Variants in TMEM26 observed in about 807,000 individuals in gnomAD.
TMEM26 encodes transmembrane protein 26.
In TMEM26, 38 loss-of-function variants were observed where a neutral mutation model predicts 28.8. That is an observed-to-expected ratio of 1.32 (90% CI 1.02 to 1.73). TMEM26 has a LOEUF of 1.73. TMEM26 is among the 40% of genes most tolerant of loss of function. The pLI is 0.00. For synonymous variants in TMEM26, 227 were observed against 182.9 expected, an observed-to-expected ratio of 1.24 and a Z score of -1.95; for missense variants, 518 against 447.1, an observed-to-expected ratio of 1.16 and a Z score of -1.43.
chr10:61,419,706 T>C (rs1839711631), intron 4 of TMEM26, among the ~76,000 whole-genome samples: 1 of 151,780 alleles, frequency 6.6e-6, no homozygotes, highest in Non-Finnish European at 1.5e-5. Flanking sequence ...ACACAGTCAG[T>C]CATATATATT....
intron 4 of TMEM26, among the ~76,000 whole-genome samples, chr10:61,427,697 A>G (rs1251584233): frequency 6.6e-6 from 1 of 151,942 alleles, no homozygotes; most frequent in Admixed American, 6.6e-5. Context: ...CTACTATCCT[A>G]TGTTCCCTCC....
chr10:61,437,389 A>G (rs1044062531), intron 1 of TMEM26, among the ~76,000 whole-genome samples: 1 of 152,206 alleles, frequency 6.6e-6, no homozygotes, highest in Non-Finnish European at 1.5e-5. Flanking sequence ...TGAGCATTCA[A>G]TAATAGGTAG....
At chr10:61,444,815 C>T (rs544766561) in intron 1 of TMEM26, among the ~76,000 whole-genome samples, 8 of 152,052 alleles carry the variant, frequency 5.3e-5, no homozygotes, top group Admixed American at 2.6e-4. Flanking sequence ...CCAAGCTTTC[C>T]ATCCTGGGAA....
chr10:61,444,139 T>A (rs1363755858), intron 1 of TMEM26, among the ~76,000 whole-genome samples: 7 of 152,212 alleles, frequency 4.6e-5, no homozygotes, highest in Non-Finnish European at 8.8e-5. Context: ...GTATCTTGAT[T>A]CTGCAGGCTT....
At position 61,435,176 on chromosome 10, in the gene TMEM26, T is replaced by A. The variant is rs1259067906; in HGVS notation, c.270+994A>T. Among the ~76,000 whole-genome samples, 3 of 152,276 alleles carry A rather than the reference T, an allele frequency of 2.0e-5. No individual in the cohort carries two copies. In the East Asian group the frequency reaches 5.8e-4, roughly 29 times the overall value. The stretch of plus-strand genomic sequence containing the variant: ...AAAATTTCTGTAATAAATTAGGGAC[T>A]CTTATTGGAAGCTACTTTTTCTTTG... On this transcript the variant is annotated intron_variant, in intron 2 of 5. Transcript: ENST00000399298.
chr10:61,448,207 G>A lies in TMEM26; in HGVS notation c.191+4684C>T, dbSNP rs116798000. ...ACATGGCCTTCACACACCTCTCTCC[G>A]GATGCAGCTCTCACCCATTCTTCCT... On this transcript the variant is annotated intron_variant, in intron 1 of 5. Coordinates refer to ENST00000399298, the MANE Select transcript of TMEM26 (RefSeq NM_178505.8). Among the ~76,000 whole-genome samples the A allele has an allele frequency of 8.6e-3, 1,308 of 152,306 alleles. 17 individuals carry two copies. Among genetic ancestry groups the A allele is most frequent in the African/African-American group, 0.026 (1,066 of 41,570 alleles).
At chr10:61,410,792 G>A (rs760361049) in intron 5 of TMEM26, 46 bp from the exon 6 acceptor site, 2 of 1,571,610 alleles carry the variant, frequency 1.3e-6, no homozygotes, top group African/African-American at 1.3e-5. Flanking sequence ...TGGAAGTGTA[G>A]ACATATAAGA....
intron 1 of TMEM26, among the ~76,000 whole-genome samples, chr10:61,438,294 G>GA (rs1201504066): frequency 1.3e-5 from 2 of 151,868 alleles, no homozygotes; most frequent in East Asian, 1.9e-4. Context: ...CATGCTCTTA[G>GA]AAAAAAAAGA....
intron 1 of TMEM26, among the ~76,000 whole-genome samples, chr10:61,450,309 T>G (rs1840255271): frequency 6.6e-6 from 1 of 152,208 alleles, no homozygotes; most frequent in South Asian, 2.1e-4. Context: ...ATGGAAATTT[T>G]TTCTTAACAC....
In TMEM26 at chr10:61,413,548, C is replaced by T; in HGVS notation, c.606-13G>A. 6.3e-7 allele frequency: 1 copy of T among 1,582,604 alleles called. No homozygotes were observed. Among genetic ancestry groups the T allele is most frequent in the South Asian group, 1.2e-5 (1 of 84,592 alleles). ...TGCAGGACTATTCCTAGAATACAGA[C>T]AAAATGTTAAATTTGTAATAAAAAG... On this transcript the variant is annotated splice_polypyrimidine_tract_variant and intron_variant, in intron 4 of 5. Transcript: ENST00000399298.
chr10:61,412,905 G>C (rs1478973331), intron 5 of TMEM26: 1 of 1,282,466 alleles, frequency 7.8e-7, no homozygotes, highest in Non-Finnish European at 1.0e-6. Flanking sequence ...AGGGGTTTAT[G>C]TTTTTATTAA....
At chr10:61,447,064 C>T (rs16916155) in intron 1 of TMEM26, among the ~76,000 whole-genome samples, 1 of 152,198 alleles carries the variant, frequency 6.6e-6, no homozygotes, top group South Asian at 2.1e-4. Flanking sequence ...AGATTTCAGG[C>T]AACTTGGACA....
chr10:61,429,017 C>G lies in TMEM26; in HGVS notation c.514G>C (p.Asp172His). 6.2e-7 allele frequency: 1 copy of G among 1,613,324 alleles called. No homozygotes were observed. The highest frequency in any genetic ancestry group is 1.3e-5 in the African/African-American group (1 of 75,000). ...ATAAGAAGAAGTTGAGAGAGTTGAT[C>G]TCGAGTGATCCCGCCTCCAATGGGT... is the stretch of plus-strand genomic sequence containing the variant. Reference protein sequence around the residue: ...LLPIGGGITRDQLSQLLLMFV... With the variant: ...LLPIGGGITRHQLSQLLLMFV... The change falls in exon 4 of 6, where the codon GAT (aspartate) becomes CAT (histidine). Residue 172 changes from aspartate (D) to histidine (H), a missense_variant. Coordinates refer to ENST00000399298, the MANE Select transcript of TMEM26 (RefSeq NM_178505.8).
chr10:61,441,445 C>T (rs1030605686), intron 1 of TMEM26, among the ~76,000 whole-genome samples: 1 of 152,156 alleles, frequency 6.6e-6, no homozygotes, highest in African/African-American at 2.4e-5. Flanking sequence ...TATTCTTGAT[C>T]ATGTGTTGTC....
At chr10:61,415,282 A>G (rs535693230) in intron 4 of TMEM26, among the ~76,000 whole-genome samples, 1 of 152,228 alleles carries the variant, frequency 6.6e-6, no homozygotes, top group South Asian at 2.1e-4. Context: ...TTTATGATTT[A>G]CCAAAATCAA....
intron 2 of TMEM26, among the ~76,000 whole-genome samples, chr10:61,432,672 T>C (rs895805166): frequency 2.0e-5 from 3 of 152,148 alleles, no homozygotes; most frequent in Admixed American, 6.6e-5. Context: ...AAATTAAAGC[T>C]GTAAGAAGTG....
At chr10:61,418,943 A>C (rs1839698406) in intron 4 of TMEM26, among the ~76,000 whole-genome samples, 2 of 152,158 alleles carry the variant, frequency 1.3e-5, no homozygotes, top group South Asian at 4.1e-4. Context: ...CTCCATGCAC[A>C]GATCATCAAA....
rs1839519586 is a variant in TMEM26 at position 61,408,213 on chromosome 10, G to A, written c.*2109C>T. 1.3e-5 allele frequency: 2 copies of A among 152,140 alleles called. No homozygotes were observed. Among genetic ancestry groups the A allele is most frequent in the Non-Finnish European group, 2.9e-5 (2 of 68,030 alleles). The allele number at this position is 152,140 out of a possible 1,614,324, so 9.4% of individuals were successfully genotyped here. ...TATTTTTGCCGCTATTAATTGCCAAGATGGTCCTGGGTGCTCTTTGACTTC... is the reference window on the plus strand; with the variant it reads ...TATTTTTGCCGCTATTAATTGCCAAAATGGTCCTGGGTGCTCTTTGACTTC... On this transcript the variant is annotated 3_prime_UTR_variant, in exon 6 of 6. Coordinates refer to ENST00000399298, the MANE Select transcript of TMEM26 (RefSeq NM_178505.8).
rs776222196 is a variant in TMEM26, at chr10:61,410,375, T to C, written c.1054A>G (p.Ile352Val). 5 of 1,613,854 alleles carry C rather than the reference T, an allele frequency of 3.1e-6. No individual in the cohort carries two copies. The highest frequency in any genetic ancestry group is 2.2e-5 in the East Asian group (1 of 44,852). ...GTGACTGGGGAGCCCCGCAAAGGAATAGCCAGGCCCTCCTTAGACTCGTTC... is the reference window on the plus strand; with the variant it reads ...GTGACTGGGGAGCCCCGCAAAGGAACAGCCAGGCCCTCCTTAGACTCGTTC... ...WQNESKEGLAIPLRGSPVTSD... is the reference protein window; with the variant it reads ...WQNESKEGLAVPLRGSPVTSD... Residue 352 changes from isoleucine to valine, a missense_variant, in exon 6 of 6, where the codon ATT becomes GTT. By Grantham distance (29) the Ile-to-Val change is conservative. Transcript: ENST00000399298.
Sources: gnomAD v4.1 joint callset for allele counts (sites outside exome capture counted in the v4.1 genomes callset) on GRCh38, gnomAD v4.1.1 for gene constraint, MANE v1.5 for transcripts, NCBI Gene and HGNC (gene_info 2026-07-23, HGNC 2026-07-21) for gene names.